RIF1: variants seen among roughly 807,000 people sequenced by gnomAD.
RIF1 encodes replication timing regulatory factor 1.
Under a neutral mutation model 247.1 loss-of-function variants are expected in RIF1, and 45 were observed. The observed-to-expected ratio is 0.18, with a 90% CI of 0.14 to 0.23. The LOEUF (loss-of-function observed/expected upper bound fraction) is 0.23. Among genes scored for constraint, RIF1 ranks in the 10% least tolerant of loss-of-function variants. RIF1 has a pLI of 1.00. For synonymous variants in RIF1, 1,087 were observed against 978.8 expected (o/e 1.11, Z -2.06); for missense variants, 2,967 against 2,862.5 (o/e 1.04, Z -0.83).
Position 151,494,236 on chromosome 2 carries a change from A to G in RIF1, c.*416-993A>G, listed in dbSNP as rs2152876508. 1.2e-6 allele frequency: 2 copies of G among 1,600,524 alleles called. No homozygotes were observed. Among genetic ancestry groups the G allele is most frequent in the Non-Finnish European group, 1.7e-6 (2 of 1,172,302 alleles). On this transcript the variant is annotated intron_variant and NMD_transcript_variant, in intron 9 of 13. Coordinates refer to the RIF1 transcript ENST00000454583. ...CAGGGGTTGCGGTGGCTTTCCCCAC[A>G]TTTTCTTTGTACAAAACCTATGGGA...
chr2:151,453,579 C>CAAAAAAA (rs59661470), intron 21 of RIF1, among the ~76,000 whole-genome samples: 1 of 72,920 alleles, frequency 1.4e-5, no homozygotes, highest in African/African-American at 5.6e-5. Context: ...GACTCTGTCT[C>CAAAAAAA]AAAAAAAAAA....
chr2:151,485,595 A>T, downstream of RIF1: 1 of 568,550 alleles, frequency 1.8e-6, no homozygotes, highest in South Asian at 4.3e-5. Context: ...CTGTTCTGCA[A>T]CTTATTTTAA....
At position 151,438,615 on chromosome 2, in the gene RIF1, A is replaced by G. The variant is rs1691685178; in HGVS notation, c.1484-69A>G. Reference sequence around the variant, plus strand: ...TTGTTTAATGTAAGGAAGTAAAGGGAGAGTGTTAGTCATAGTACGTAGTCA... The same window carrying G: ...TTGTTTAATGTAAGGAAGTAAAGGGGGAGTGTTAGTCATAGTACGTAGTCA... On this transcript the variant is annotated intron_variant, in intron 13 of 35. Transcript: ENST00000444746. 1.3e-5 allele frequency: 12 copies of G among 946,090 alleles called. No homozygotes were observed. The Middle Eastern group carries it at 6.3e-4, about 49-fold the overall frequency. 58.6% of individuals were successfully genotyped at this position (946,090 alleles called of 1,614,324 possible).
intron 22 of RIF1, 65 bp downstream of exon 22, chr2:151,455,224 T>C (rs2152457293): frequency 8.0e-7 from 1 of 1,252,946 alleles, no homozygotes; most frequent in Non-Finnish European, 1.1e-6. Context: ...GTAGCAACTT[T>C]TATTTTTTAA....
intron 34 of RIF1, among the ~76,000 whole-genome samples, chr2:151,472,223 A>G (rs1405555701): frequency 6.6e-6 from 1 of 152,170 alleles, no homozygotes; most frequent in Non-Finnish European, 1.5e-5. Flanking sequence ...TTGATTTTGT[A>G]TCCTGAGACT....
At chr2:151,482,318 T>TC (rs1376569686), downstream of RIF1, 1 of 152,224 alleles carries the variant, frequency 6.6e-6, no homozygotes, top group African/African-American at 2.4e-5. Context: ...CTTTTCTTTT[T>TC]CCCCTTTTAT....
intron 9 of RIF1, chr2:151,493,798 G>C (rs542275170): frequency 6.3e-7 from 1 of 1,583,246 alleles, no homozygotes; most frequent in East Asian, 2.3e-5. Context: ...TCTTGATTGC[G>C]TTTCACTCTT....
At chr2:151,499,714 T>C (rs2062975117) in intron 11 of RIF1, among the ~76,000 whole-genome samples, 1 of 152,216 alleles carries the variant, frequency 6.6e-6, no homozygotes, top group African/African-American at 2.4e-5. Context: ...TTGCTTAAGT[T>C]AGATTAGCAA....
At chr2:151,448,357 C>G (rs567586639) in intron 20 of RIF1, among the ~76,000 whole-genome samples, 4 of 152,214 alleles carry the variant, frequency 2.6e-5, no homozygotes, top group Admixed American at 2.6e-4. Context: ...AATGACAGTT[C>G]TTATTGTAAA....
At chr2:151,462,177 G>A (rs771616749) in intron 27 of RIF1, 65 bp from the exon 28 acceptor site, 29 of 1,208,988 alleles carry the variant, frequency 2.4e-5, no homozygotes, top group South Asian at 3.1e-5. Context: ...CTGGCCATAA[G>A]TTTAATTTCT....
At chr2:151,516,523 G>C in the RIF1 span, 1 of 1,613,184 alleles carries the variant, frequency 6.2e-7, no homozygotes, top group Non-Finnish European at 8.5e-7. Context: ...GTCCAGCATG[G>C]GTTTTCCTCG....
the RIF1 span, among the ~76,000 whole-genome samples, chr2:151,523,976 G>A: frequency 1.3e-5 from 2 of 152,174 alleles, no homozygotes; most frequent in African/African-American, 4.8e-5. Flanking sequence ...GGTGACTCAA[G>A]TATGAATCAG....
intron 21 of RIF1, among the ~76,000 whole-genome samples, chr2:151,453,600 AAAG>A (rs1694706526): frequency 2.0e-5 from 3 of 151,552 alleles, no homozygotes; most frequent in African/African-American, 7.3e-5. Flanking sequence ...AAAAAAAAAA[AAAG>A]GCAATTTTAC....
At chr2:151,435,658 A>T (rs1691039464) in intron 11 of RIF1, 78 bp downstream of exon 11, 1 of 741,286 alleles carries the variant, frequency 1.3e-6, no homozygotes, top group South Asian at 1.9e-5. Context: ...GAAGTAGGAA[A>T]AAAAAAGGCT....
Position 151,420,203 on chromosome 2 carries a change from G to T in RIF1, c.517G>T (p.Ala173Ser), listed in dbSNP as rs1332497654. The T allele has an allele frequency of 6.2e-7, 1 of 1,613,230 alleles. No homozygotes were observed. Among genetic ancestry groups the T allele is most frequent in the South Asian group, 1.1e-5 (1 of 91,022 alleles). ...TCTCTATTATAGGCTAATTGAACAA[G>T]CCCCAATTCAAATGGGAGAAGAGGC... Reference protein sequence around the residue: ...LNVIVRLIEQAPIQMGEEAVR... With the variant: ...LNVIVRLIEQSPIQMGEEAVR... The change falls in exon 7 of 36, where the codon GCC becomes TCC. Residue 173 changes from alanine to serine, a missense_variant. Transcript: ENST00000444746.
intron 27 of RIF1, among the ~76,000 whole-genome samples, chr2:151,462,022 C>T (rs575465933): frequency 1.2e-4 from 18 of 152,148 alleles, no homozygotes; most frequent in African/African-American, 2.9e-4. Context: ...TGCAGATGCA[C>T]GCCACCATGC....
the RIF1 span, among the ~76,000 whole-genome samples, chr2:151,529,474 G>A: frequency 9.2e-5 from 14 of 152,082 alleles, no homozygotes; most frequent in African/African-American, 3.4e-4. Context: ...GCCATGCAGA[G>A]ATGCACCTTC....
At chr2:151,485,932 T>A (rs559804968), downstream of RIF1, 2 of 1,613,632 alleles carry the variant, frequency 1.2e-6, no homozygotes, top group East Asian at 2.2e-5. Context: ...ACGGAAGATT[T>A]TCTATTCGTG....
rs1189068777 is a variant in RIF1, at chr2:151,478,514, G to T, written c.*3443G>T. 1.3e-5 allele frequency: 2 copies of T among 151,686 alleles called. No homozygotes were observed. Among genetic ancestry groups the T allele is most frequent in the Non-Finnish European group, 2.9e-5 (2 of 67,932 alleles). The allele number at this position is 151,686 out of a possible 1,614,324, so 9.4% of individuals were successfully genotyped here. ...AAGTTTAATTCTAACATTGCCCATGGATTTTTTTTTTTCTGTACAGCTTGA... is the reference window on the plus strand; with the variant it reads ...AAGTTTAATTCTAACATTGCCCATGTATTTTTTTTTTTCTGTACAGCTTGA... On this transcript the variant is annotated 3_prime_UTR_variant, in exon 36 of 36. Coordinates refer to ENST00000444746, the MANE Select transcript of RIF1 (RefSeq NM_018151.5).
Sources: allele counts gnomAD v4.1 joint callset (sites outside exome capture counted in the v4.1 genomes callset), GRCh38; gene constraint gnomAD v4.1.1; transcripts MANE v1.5; gene names NCBI Gene and HGNC (gene_info 2026-07-23, HGNC 2026-07-21).